The following ADK variants were observed in gnomAD, a reference collection of about 807,000 sequenced individuals.
ADK encodes the protein adenosine kinase.
ADK carries 24 observed loss-of-function variants against 44.7 expected under a neutral mutation model. That is an observed-to-expected ratio of 0.54 (90% CI 0.39 to 0.76). The LOEUF (loss-of-function observed/expected upper bound fraction) is 0.76. ADK is among the 30% of genes least tolerant of loss of function. The pLI, the probability that ADK is intolerant of heterozygous loss-of-function variation, is 0.00. For missense variants in ADK, 321 were observed against 425.1 expected (o/e 0.76, Z 2.15); for synonymous variants, 128 against 142.6 (o/e 0.90, Z 0.73).
intron 4 of ADK, among the ~76,000 whole-genome samples, chr10:74,335,462 A>T (rs1841373349): frequency 6.6e-6 from 1 of 152,208 alleles, no homozygotes; most frequent in Non-Finnish European, 1.5e-5. Context: ...ATGGCTGAGT[A>T]GTTTTCTATC....
intron 2 of ADK, among the ~76,000 whole-genome samples, chr10:74,203,307 T>C (rs1843465375): frequency 1.3e-5 from 2 of 152,270 alleles, no homozygotes; most frequent in East Asian, 1.9e-4. Context: ...TTGATACATA[T>C]GTCTGTCCTT....
chr10:74,191,171 G>A (rs745967202), intron 1 of ADK, among the ~76,000 whole-genome samples: 4 of 151,934 alleles, frequency 2.6e-5, no homozygotes, highest in Non-Finnish European at 4.4e-5. Context: ...AGTAGCGACG[G>A]GGTTTCACCA....
intron 3 of ADK, among the ~76,000 whole-genome samples, chr10:74,310,187 A>G (rs890531689): frequency 7.9e-5 from 12 of 152,166 alleles, no homozygotes; most frequent in African/African-American, 2.9e-4. Flanking sequence ...GGAGAAAGTA[A>G]GAAGGAATCT....
intron 9 of ADK, among the ~76,000 whole-genome samples, chr10:74,656,464 C>T (rs766128166): frequency 6.6e-6 from 1 of 152,188 alleles, no homozygotes; most frequent in Non-Finnish European, 1.5e-5. Flanking sequence ...AAGGTGCAGG[C>T]TTTTGGTGGC....
At chr10:74,535,341 T>C (rs542963748) in intron 7 of ADK, among the ~76,000 whole-genome samples, 67 of 152,200 alleles carry the variant, frequency 4.4e-4, no homozygotes, top group African/African-American at 1.5e-3. Context: ...CACACACTTG[T>C]ATTCCCAGCT....
At chr10:74,301,326 A>G (rs1840023933) in intron 3 of ADK, among the ~76,000 whole-genome samples, 1 of 152,050 alleles carries the variant, frequency 6.6e-6, no homozygotes, top group Non-Finnish European at 1.5e-5. Flanking sequence ...CAGTCTGGCC[A>G]ATATGGTTAA....
chr10:74,203,206 A>G (rs1176835277), intron 2 of ADK, among the ~76,000 whole-genome samples: 2 of 152,224 alleles, frequency 1.3e-5, no homozygotes, highest in African/African-American at 4.8e-5. Context: ...TGAAGAGACT[A>G]TTCTTTTCCC....
At chr10:74,685,318 C>A (rs1855748043) in intron 10 of ADK, among the ~76,000 whole-genome samples, 1 of 152,210 alleles carries the variant, frequency 6.6e-6, no homozygotes, top group Non-Finnish European at 1.5e-5. Flanking sequence ...CTGCCTCGGC[C>A]TGTCTAAATG....
intron 9 of ADK, among the ~76,000 whole-genome samples, chr10:74,666,479 C>T (rs188314632): frequency 6.6e-6 from 1 of 152,020 alleles, no homozygotes; most frequent in Non-Finnish European, 1.5e-5. Context: ...AACCCTTTTC[C>T]TTCTCACTTT....
intron 6 of ADK, among the ~76,000 whole-genome samples, chr10:74,412,603 C>T (rs962240405): frequency 9.2e-5 from 14 of 152,204 alleles, no homozygotes; most frequent in Admixed American, 3.3e-4. Context: ...GATCCATGGG[C>T]TGCAGAATGA....
intron 10 of ADK, among the ~76,000 whole-genome samples, chr10:74,688,977 G>A (rs1322563568): frequency 1.3e-5 from 2 of 151,802 alleles, no homozygotes; most frequent in African/African-American, 2.4e-5. Context: ...GGGCTGGGGG[G>A]CATGGTGGCT....
At chr10:74,358,893 A>G (rs1842229926) in intron 4 of ADK, among the ~76,000 whole-genome samples, 2 of 152,314 alleles carry the variant, frequency 1.3e-5, no homozygotes, top group Admixed American at 6.5e-5. Context: ...ACATAATGCT[A>G]GAAGAAACTA....
intron 10 of ADK, among the ~76,000 whole-genome samples, chr10:74,690,074 C>G (rs1313200216): frequency 6.6e-6 from 1 of 152,244 alleles, no homozygotes; most frequent in Non-Finnish European, 1.5e-5. Context: ...CATTTGATCT[C>G]TCTGCAAGCA....
intron 7 of ADK, among the ~76,000 whole-genome samples, chr10:74,548,698 T>G (rs1408025648): frequency 6.6e-6 from 1 of 152,184 alleles, no homozygotes; most frequent in East Asian, 1.9e-4. Flanking sequence ...TGAACATAGT[T>G]TATGTGAAAT....
chr10:74,376,850 A>G (rs1842836100), intron 4 of ADK, among the ~76,000 whole-genome samples: 1 of 149,318 alleles, frequency 6.7e-6, no homozygotes, highest in Non-Finnish European at 1.5e-5. Flanking sequence ...CCAGGAGAAT[A>G]TCTCACTTTC....
At chr10:74,233,206 A>G (rs548046876) in intron 3 of ADK, among the ~76,000 whole-genome samples, 7 of 152,300 alleles carry the variant, frequency 4.6e-5, no homozygotes, top group African/African-American at 1.4e-4. Flanking sequence ...TTATTCAATC[A>G]TGAGAAAAAC....
intron 9 of ADK, among the ~76,000 whole-genome samples, chr10:74,619,633 C>T (rs772192770): frequency 1.6e-4 from 25 of 152,192 alleles, no homozygotes; most frequent in Admixed American, 5.9e-4. Flanking sequence ...ACTACAATAT[C>T]TCAGTCATTT....
intron 1 of ADK, among the ~76,000 whole-genome samples, chr10:74,186,024 A>G (rs1842747631): frequency 6.6e-6 from 1 of 151,144 alleles, no homozygotes; most frequent in South Asian, 2.1e-4. Context: ...ATTTTTGTAT[A>G]TTTTTGTAGA....
intron 9 of ADK, among the ~76,000 whole-genome samples, chr10:74,623,013 C>T (rs1459550537): frequency 6.6e-6 from 1 of 151,070 alleles, no homozygotes; most frequent in Non-Finnish European, 1.5e-5. Flanking sequence ...GTCTCAAAAA[C>T]AAAAAACAAA....
Sources: gnomAD v4.1 joint callset for allele counts (sites outside exome capture counted in the v4.1 genomes callset) on GRCh38, gnomAD v4.1.1 for gene constraint, MANE v1.5 for transcripts, NCBI Gene and HGNC (gene_info 2026-07-23, HGNC 2026-07-21) for gene names.